The following LRMDA variants were observed in gnomAD, a reference collection of about 807,000 sequenced individuals.
LRMDA encodes leucine-rich melanocyte differentiation-associated protein.
Under a neutral mutation model 29.8 loss-of-function variants are expected in LRMDA, and 18 were observed. That is an observed-to-expected ratio of 0.60 (90% confidence interval 0.42 to 0.90). The LOEUF is 0.90. Among genes scored for constraint, LRMDA ranks in the 40% least tolerant of loss-of-function variants. The pLI, the probability that LRMDA is intolerant of heterozygous loss-of-function variation, is 0.00. For synonymous variants in LRMDA, 125 were observed against 109.4 expected (o/e 1.14, Z -0.89); for missense variants, 273 against 273.9 (o/e 1.00, Z 0.02).
At chr10:76,319,169 A>C (rs903911786) in intron 5 of LRMDA, 5 of 152,288 alleles carry the variant, frequency 3.3e-5, no homozygotes, top group African/African-American at 1.2e-4. Context: ...TCGGCCTCCC[A>C]AAGTGCTGGG....
intron 2 of LRMDA, 148 bp from the exon 3 acceptor site, chr10:76,035,860 A>T: frequency 1.6e-6 from 1 of 632,556 alleles, no homozygotes. Flanking sequence ...GACTCCTGCT[A>T]CTAATTCTTG....
At chr10:75,588,163 A>C (rs1273056912) in intron 2 of LRMDA, among the ~76,000 whole-genome samples, 11 of 152,152 alleles carry the variant, frequency 7.2e-5, no homozygotes. Context: ...AGGTTGAATG[A>C]GGTTACAAGT....
At chr10:75,467,029 G>C (rs2132042256) in intron 2 of LRMDA, among the ~76,000 whole-genome samples, 1 of 152,206 alleles carries the variant, frequency 6.6e-6, no homozygotes, top group South Asian at 2.1e-4. Context: ...AGGCATTAGA[G>C]ATGCAAAGAT....
Position 76,299,595 on chromosome 10 carries a change from C to T in LRMDA, c.517-24806C>T, listed in dbSNP as rs895624462. On this transcript the variant is annotated intron_variant, in intron 5 of 6. Transcript: ENST00000611255. ...GTTAGAATGCCTTTGAACCACCCCC[C>T]TTCCTTTCTTTTTTTTTTTTTTTAT... Among the ~76,000 whole-genome samples the T allele has an allele frequency of 3.4e-5, 4 of 117,870 alleles. No individual in the cohort carries two copies. In the East Asian group the frequency reaches 9.2e-4, roughly 27 times the overall value. 77.3% of individuals were successfully genotyped at this position (117,870 alleles called of 152,430 possible). A position where few individuals can be genotyped will look rare whatever the true frequency, so the allele number is the denominator to read the frequency against.
chr10:76,396,948 C>T (rs575230476), intron 6 of LRMDA, among the ~76,000 whole-genome samples: 2 of 152,266 alleles, frequency 1.3e-5, no homozygotes, highest in South Asian at 2.1e-4. Context: ...GCCTCTGCCA[C>T]GCCACGCAAC....
chr10:76,351,056 G>A (rs1433176467), intron 6 of LRMDA, among the ~76,000 whole-genome samples: 2 of 152,006 alleles, frequency 1.3e-5, no homozygotes, highest in African/African-American at 4.8e-5. Flanking sequence ...GGTACAACAA[G>A]AAAGAATCAT....
At chr10:75,961,951 A>T (rs563074020) in intron 2 of LRMDA, among the ~76,000 whole-genome samples, 5 of 152,124 alleles carry the variant, frequency 3.3e-5, no homozygotes, top group African/African-American at 9.6e-5. Flanking sequence ...GGCTTGGAGA[A>T]TCATCACCCT....
intron 5 of LRMDA, among the ~76,000 whole-genome samples, chr10:76,130,115 GTTT>G (rs35171640): frequency 0.016 from 2,188 of 140,690 alleles, 55 homozygotes; most frequent in African/African-American, 0.054. Flanking sequence ...GCTGCTCAAA[GTTT>G]TTTTTTTTTT....
intron 2 of LRMDA, among the ~76,000 whole-genome samples, chr10:75,917,430 C>T (rs566373396): frequency 6.6e-6 from 1 of 152,310 alleles, no homozygotes; most frequent in East Asian, 1.9e-4. Flanking sequence ...TCTCCACTGA[C>T]CCCACAGCTG....
At chr10:76,123,360 T>A (rs1316335719) in intron 5 of LRMDA, among the ~76,000 whole-genome samples, 3 of 132,154 alleles carry the variant, frequency 2.3e-5, no homozygotes, top group Non-Finnish European at 4.9e-5. Flanking sequence ...AAAAAAAAAA[T>A]TAGCCAGGTA....
At chr10:75,583,834 C>G (rs1033874711) in intron 2 of LRMDA, among the ~76,000 whole-genome samples, 38 of 152,152 alleles carry the variant, frequency 2.5e-4, no homozygotes, top group Non-Finnish European at 4.3e-4. Flanking sequence ...AATTAGTCTC[C>G]TCTTCATCCC....
intron 2 of LRMDA, among the ~76,000 whole-genome samples, chr10:75,543,290 G>A (rs1417211850): frequency 6.6e-6 from 1 of 152,182 alleles, no homozygotes; most frequent in Non-Finnish European, 1.5e-5. Flanking sequence ...TCTTTAACAG[G>A]GCGCTGTTAA....
At chr10:75,602,973 G>A (rs937066451) in intron 2 of LRMDA, among the ~76,000 whole-genome samples, 1 of 152,084 alleles carries the variant, frequency 6.6e-6, no homozygotes, top group Non-Finnish European at 1.5e-5. Flanking sequence ...GGCTTTGATT[G>A]CTTCATAAAT....
intron 5 of LRMDA, among the ~76,000 whole-genome samples, chr10:76,236,081 C>G (rs1257837149): frequency 1.3e-5 from 2 of 152,102 alleles, no homozygotes; most frequent in Non-Finnish European, 2.9e-5. Context: ...TGAACTTAGC[C>G]TCAGGCCAAA....
At chr10:76,055,383 G>A (rs1469169562) in intron 4 of LRMDA, among the ~76,000 whole-genome samples, 1 of 152,200 alleles carries the variant, frequency 6.6e-6, no homozygotes, top group Non-Finnish European at 1.5e-5. Flanking sequence ...TATTCTCTCT[G>A]GCTTTGGGAT....
chr10:75,828,955 C>CAAAGGAGA (rs1844292384), intron 2 of LRMDA, among the ~76,000 whole-genome samples: 1 of 152,120 alleles, frequency 6.6e-6, no homozygotes, highest in African/African-American at 2.4e-5. Flanking sequence ...GGTCAGCTGT[C>CAAAGGAGA]CCTGCCGTTG....
chr10:75,624,268 A>G (rs936210171), intron 2 of LRMDA, among the ~76,000 whole-genome samples: 1 of 152,112 alleles, frequency 6.6e-6, no homozygotes, highest in Admixed American at 6.6e-5. Flanking sequence ...ATTCTTGGAG[A>G]TCATATTTGA....
chr10:75,921,536 A>G (rs560366450), intron 2 of LRMDA, among the ~76,000 whole-genome samples: 8 of 152,348 alleles, frequency 5.3e-5, no homozygotes, highest in South Asian at 2.1e-4. Context: ...CATAGGAGAC[A>G]AAGGATCTGG....
At chr10:76,311,702 C>T (rs1043586056) in intron 5 of LRMDA, among the ~76,000 whole-genome samples, 2 of 152,174 alleles carry the variant, frequency 1.3e-5, no homozygotes, top group East Asian at 3.8e-4. Context: ...TAGGTCGCCT[C>T]ATTAAGCCTG....
Sources: gnomAD v4.1 joint callset for allele counts (sites outside exome capture counted in the v4.1 genomes callset) on GRCh38, gnomAD v4.1.1 for gene constraint, MANE v1.5 for transcripts, NCBI Gene and HGNC (gene_info 2026-07-23, HGNC 2026-07-21) for gene names.